The following PRDM11 variants were observed in gnomAD, a reference collection of about 807,000 sequenced individuals.
PRDM11 encodes the protein PR/SET domain 11.
A neutral mutation model predicts 97.8 loss-of-function variants in PRDM11; 20 were observed. The observed-to-expected ratio is 0.20, with a 90% CI of 0.14 to 0.30. The LOEUF is 0.30. PRDM11 is among the 10% of genes least tolerant of loss of function. PRDM11 has a pLI of 1.00. For synonymous variants in PRDM11, 599 were observed against 637.7 expected (o/e 0.94, Z 0.91); for missense variants, 1,139 against 1,555.2 (o/e 0.73, Z 4.50).
chr11:45,171,299 C>T (rs1358172088), intron 1 of PRDM11, among the ~76,000 whole-genome samples: 1 of 152,082 alleles, frequency 6.6e-6, no homozygotes, highest in Non-Finnish European at 1.5e-5. Context: ...AGGGTTTTGC[C>T]ATGTTAGCCA....
At chr11:45,182,486 G>A (rs185106851) in intron 3 of PRDM11, 137 bp downstream of exon 3, 57 of 793,860 alleles carry the variant, frequency 7.2e-5, no homozygotes, top group African/African-American at 5.1e-4. Flanking sequence ...GCCTTGGTTC[G>A]TCATCATCAT....
intron 5 of PRDM11, among the ~76,000 whole-genome samples, chr11:45,211,832 A>T (rs927636717): frequency 1.3e-5 from 2 of 152,012 alleles, no homozygotes; most frequent in Non-Finnish European, 2.9e-5. Flanking sequence ...CTCACAAGTC[A>T]CCACTGAAGA....
intron 1 of PRDM11, among the ~76,000 whole-genome samples, chr11:45,101,567 A>AAAAAAAAGAAGAAGAAGAAGAAGAAGAAG (rs767802218): frequency 1.0e-5 from 1 of 96,834 alleles, no homozygotes; most frequent in African/African-American, 4.9e-5. Context: ...AAAAAAAAAA[A>AAAAAAAAGAAGAAGAAGAAGAAGAAGAAG]AAGAAGAAGA....
intron 1 of PRDM11, among the ~76,000 whole-genome samples, chr11:45,158,025 C>A (rs73464592): frequency 0.023 from 3,515 of 152,308 alleles, 101 homozygotes; most frequent in African/African-American, 0.064. Flanking sequence ...CATGGATCCT[C>A]TGATGGGCCA....
Position 45,228,897 on chromosome 11 carries a change from C to G in PRDM11, c.*738C>G. The G allele has an allele frequency of 6.6e-6, 1 of 152,348 alleles. No homozygotes were observed. Among genetic ancestry groups the G allele is most frequent in the South Asian group, 2.1e-4 (1 of 4,818 alleles). 9.4% of individuals were successfully genotyped at this position (152,348 alleles called of 1,614,324 possible). A position where few individuals can be genotyped will look rare whatever the true frequency, so the allele number is the denominator to read the frequency against. On this transcript the variant is annotated 3_prime_UTR_variant, in exon 8 of 8. Coordinates refer to ENST00000683152, the MANE Select transcript of PRDM11 (RefSeq NM_001384648.1). ...GTGGATCCCTTCCTTCCAGCCCCCC[C>G]TGGAAACTCACAATATTACCCATTA...
At chr11:45,222,658 G>T (rs955333602) in intron 6 of PRDM11, among the ~76,000 whole-genome samples, 3 of 152,160 alleles carry the variant, frequency 2.0e-5, no homozygotes, top group African/African-American at 7.2e-5. Context: ...ACTCCCTTTT[G>T]TGCTGTAACC....
intron 1 of PRDM11, among the ~76,000 whole-genome samples, chr11:45,113,834 T>TTG (rs1852244636): frequency 6.7e-6 from 1 of 149,532 alleles, no homozygotes; most frequent in Non-Finnish European, 1.5e-5. Flanking sequence ...GTTTTGTTTT[T>TTG]TTTTTTTTTT....
At chr11:45,105,386 C>G (rs541688810) in intron 1 of PRDM11, among the ~76,000 whole-genome samples, 1 of 152,356 alleles carries the variant, frequency 6.6e-6, no homozygotes, top group African/African-American at 2.4e-5. Context: ...AAGCCTTGAG[C>G]TCATCTAGTG....
At chr11:45,135,489 T>C (rs145321862) in intron 1 of PRDM11, among the ~76,000 whole-genome samples, 2 of 152,266 alleles carry the variant, frequency 1.3e-5, no homozygotes, top group East Asian at 3.9e-4. Context: ...TAAAAATCAA[T>C]AGCTTTCCAA....
At chr11:45,100,383 A>G (rs1213077006) in intron 1 of PRDM11, among the ~76,000 whole-genome samples, 1 of 152,240 alleles carries the variant, frequency 6.6e-6, no homozygotes, top group Non-Finnish European at 1.5e-5. Flanking sequence ...GTCATAGGTG[A>G]AGAAACTCAT....
At chr11:45,134,272 T>C (rs543551434) in intron 1 of PRDM11, among the ~76,000 whole-genome samples, 1 of 152,280 alleles carries the variant, frequency 6.6e-6, no homozygotes, top group Non-Finnish European at 1.5e-5. Flanking sequence ...AGAAGAAAAC[T>C]TTAGTCTTAC....
At chr11:45,209,732 C>T (rs529387793) in intron 5 of PRDM11, among the ~76,000 whole-genome samples, 2 of 152,298 alleles carry the variant, frequency 1.3e-5, no homozygotes, top group East Asian at 3.9e-4. Context: ...GCTCTGCTGT[C>T]GCCATCTGGA....
At chr11:45,150,147 T>C (rs998770537) in intron 1 of PRDM11, among the ~76,000 whole-genome samples, 2 of 152,162 alleles carry the variant, frequency 1.3e-5, no homozygotes, top group Non-Finnish European at 2.9e-5. Context: ...GCCTTCCTCA[T>C]GCTGTTCCTT....
At chr11:45,169,205 C>T (rs1214592013) in intron 1 of PRDM11, among the ~76,000 whole-genome samples, 1 of 152,208 alleles carries the variant, frequency 6.6e-6, no homozygotes, top group Non-Finnish European at 1.5e-5. Flanking sequence ...TAATAAACTT[C>T]CACATACCTA....
intron 7 of PRDM11, 172 bp downstream of exon 7, chr11:45,225,015 C>T: frequency 6.8e-7 from 1 of 1,464,614 alleles, no homozygotes; most frequent in South Asian, 1.4e-5. Flanking sequence ...TCTGGCAGAC[C>T]CATCGGCAGC....
intron 5 of PRDM11, among the ~76,000 whole-genome samples, chr11:45,205,993 A>G (rs1853496205): frequency 6.6e-6 from 1 of 152,098 alleles, no homozygotes; most frequent in Non-Finnish European, 1.5e-5. Flanking sequence ...GACTGCCCCC[A>G]ACCTCCTTGG....
intron 1 of PRDM11, among the ~76,000 whole-genome samples, chr11:45,179,205 C>CA (rs1852406390): frequency 6.6e-6 from 1 of 152,114 alleles, no homozygotes; most frequent in Non-Finnish European, 1.5e-5. Context: ...AATAAAGCGT[C>CA]AGAGTTTCCA....
intron 1 of PRDM11, among the ~76,000 whole-genome samples, chr11:45,155,744 A>G (rs1851777897): frequency 6.6e-6 from 1 of 151,704 alleles, no homozygotes; most frequent in African/African-American, 2.4e-5. Context: ...AGCCAGGGAA[A>G]CCGGCAGTCT....
intron 1 of PRDM11, among the ~76,000 whole-genome samples, chr11:45,128,362 C>G (rs988742779): frequency 6.6e-6 from 1 of 152,176 alleles, no homozygotes; most frequent in East Asian, 1.9e-4. Context: ...CTGTCCTGCA[C>G]CCACTGTCTG....
Sources: gnomAD v4.1 joint callset for allele counts (sites outside exome capture counted in the v4.1 genomes callset) on GRCh38, gnomAD v4.1.1 for gene constraint, MANE v1.5 for transcripts, NCBI Gene and HGNC (gene_info 2026-07-23, HGNC 2026-07-21) for gene names.